The following TXLNG variants were observed in gnomAD, a reference collection of about 807,000 sequenced individuals.
TXLNG encodes the protein gamma-taxilin.
In TXLNG, 5 loss-of-function variants were observed where a neutral mutation model predicts 38.8. The ratio of observed to expected loss-of-function variants is 0.13; its 90% CI spans 0.07 to 0.27. The LOEUF (loss-of-function observed/expected upper bound fraction) is 0.27, where lower values mean the gene tolerates loss of function less well. Ranked by LOEUF, TXLNG falls within the 10% of genes least tolerant of loss-of-function variation. The pLI is 1.00. For synonymous variants in TXLNG, 182 were observed against 158.2 expected, an observed-to-expected ratio of 1.15 and a Z score of -1.13; for missense variants, 393 against 398.2, an observed-to-expected ratio of 0.99 and a Z score of 0.11.
intron 1 of TXLNG, among the ~76,000 whole-genome samples, chrX:16,804,727 T>A (rs181740815): frequency 1.4e-3 from 151 of 110,315 alleles, no homozygotes; most frequent in African/African-American, 4.6e-3. Context: ...TTGGCTAGTC[T>A]GAAAGTTTTT....
chrX:16,810,989 A>G (rs1340113825), intron 1 of TXLNG, among the ~76,000 whole-genome samples: 1 of 111,682 alleles, frequency 9.0e-6, no homozygotes, highest in Non-Finnish European at 1.9e-5. Flanking sequence ...CAATAGTGGT[A>G]TTTTCTATAA....
intron 1 of TXLNG, among the ~76,000 whole-genome samples, chrX:16,812,463 G>A (rs1359811616): frequency 1.9e-5 from 2 of 103,014 alleles, no homozygotes; most frequent in Non-Finnish European, 4.0e-5. Context: ...GCGCGATCTC[G>A]GCTCACTGCA....
At chrX:16,829,511 G>C (rs1929298451) in intron 4 of TXLNG, 65 bp from the exon 5 acceptor site, 1 of 1,063,512 alleles carries the variant, frequency 9.4e-7, no homozygotes, top group Non-Finnish European at 1.3e-6. Context: ...CATTGCAGCA[G>C]CTTCTCTTGT....
Position 16,806,670 on chromosome X carries a change from C to G in TXLNG, c.103-11904C>G, listed in dbSNP as rs763745552. On this transcript the variant is annotated intron_variant, in intron 1 of 9. Transcript: ENST00000380122. ...CGGTGGCTCATGCCTGTAATCCCAG[C>G]ACTTTGGGAGGCCGAGGCCAGTGGA... Among the ~76,000 whole-genome samples, 4 of 110,969 alleles carry G rather than the reference C, an allele frequency of 3.6e-5. No individual in the cohort carries two copies. The South Asian group carries it at 1.5e-3, about 41-fold the overall frequency.
At chrX:16,827,886 C>T (rs770126411) in intron 3 of TXLNG, among the ~76,000 whole-genome samples, 1 of 111,593 alleles carries the variant, frequency 9.0e-6, no homozygotes, top group Admixed American at 9.5e-5. Flanking sequence ...TTTTCTGCTG[C>T]CCTAAATTTG....
At position 16,841,604 on chromosome X, in the gene TXLNG, T is replaced by C. The variant is rs763210148; in HGVS notation, c.1425T>C (p.Pro475=). The change falls in exon 10 of 10, where the codon CCT becomes CCC. Residue 475 remains proline, a synonymous_variant. Transcript: ENST00000380122. ...IKAANRDLAT[P]VMQPCTALDS... The stretch of plus-strand genomic sequence containing the variant: ...CGGCGAACAGGGATTTAGCAACACC[T>C]GTGATGCAGCCCTGTACTGCCCTGG... 2.5e-6 allele frequency: 3 copies of C among 1,209,585 alleles called. No individual in the cohort carries two copies. The African/African-American group carries it at 5.3e-5, about 21-fold the overall frequency.
rs1201434870 is a variant in TXLNG, at chrX:16,842,132, ATTAAT to A, written c.*371_*375del. On this transcript the variant is annotated 3_prime_UTR_variant, in exon 10 of 10. Transcript: ENST00000380122. Reference sequence around the variant, plus strand: ...GATGGTTCCTTGATGTGAAAACAATATTAATTTAAACGTCTTAGCCCCCCCCCCCA... The same window carrying A: ...GATGGTTCCTTGATGTGAAAACAATATTAAACGTCTTAGCCCCCCCCCCCA... 8.7e-4 allele frequency: 106 copies of A among 122,413 alleles called. No individual in the cohort carries two copies. The highest frequency in any genetic ancestry group is 3.7e-3 in the African/African-American group (99 of 27,103). 10.1% of individuals were successfully genotyped at this position (122,413 alleles called of 1,213,427 possible).
chrX:16,815,742 G>A (rs1928715295), intron 1 of TXLNG, among the ~76,000 whole-genome samples: 1 of 107,593 alleles, frequency 9.3e-6, no homozygotes, highest in Non-Finnish European at 1.9e-5. Context: ...GGCTCGTCTT[G>A]AACTCCTAAC....
intron 1 of TXLNG, among the ~76,000 whole-genome samples, chrX:16,796,002 C>T (rs949699699): frequency 9.2e-6 from 1 of 108,745 alleles, no homozygotes; most frequent in Non-Finnish European, 1.9e-5. Context: ...TTAGTAGAAA[C>T]GGGGTTTCAT....
rs776124723 is a variant in TXLNG at position 16,837,706 on chromosome X, G to T, written c.1152+21G>T. 17 of 1,091,511 alleles carry T rather than the reference G, an allele frequency of 1.6e-5. No individual in the cohort carries two copies. The South Asian group carries it at 2.7e-4, about 17-fold the overall frequency. The allele number at this position is 1,091,511 out of a possible 1,213,427, so 90.0% of individuals were successfully genotyped here. On this transcript the variant is annotated intron_variant, in intron 8 of 9. Transcript: ENST00000380122. The stretch of plus-strand genomic sequence containing the variant: ...AAAAGGTATTTACATATTTTTAGTA[G>T]AATAGTATATCAAATGGAATTTGTA...
intron 1 of TXLNG, among the ~76,000 whole-genome samples, chrX:16,802,375 C>G (rs750572878): frequency 9.3e-6 from 1 of 107,878 alleles, no homozygotes. Flanking sequence ...CTGAGCCTCC[C>G]GAGTAGCTGG....
At chrX:16,827,488 G>A (rs1423466228) in intron 3 of TXLNG, among the ~76,000 whole-genome samples, 2 of 111,633 alleles carry the variant, frequency 1.8e-5, no homozygotes, top group East Asian at 5.6e-4. Flanking sequence ...GGAAAATTCA[G>A]GGGCAGGAGG....
rs371097761 is a variant in TXLNG, at chrX:16,834,116, G to A, written c.985-167G>A. 3.6e-5 allele frequency among the ~76,000 whole-genome samples: 4 copies of A among 112,326 alleles called. No homozygotes were observed. In the South Asian group the frequency reaches 1.5e-3, roughly 41 times the overall value. ...TGCATTCCTAAGTGTTAACCAGTGG[G>A]ACAGATAGAAGATACAGGTAAATGG... On this transcript the variant is annotated intron_variant, in intron 6 of 9. Transcript: ENST00000380122.
At chrX:16,810,381 T>C (rs1928470830) in intron 1 of TXLNG, among the ~76,000 whole-genome samples, 3 of 111,823 alleles carry the variant, frequency 2.7e-5, no homozygotes, top group African/African-American at 9.7e-5. Flanking sequence ...AATAAAGTTA[T>C]TGGCCTAAGA....
chrX:16,832,498 T>TAGA, intron 5 of TXLNG, 125 bp from the exon 6 acceptor site: 1 of 918,007 alleles, frequency 1.1e-6, no homozygotes, highest in Non-Finnish European at 1.5e-6. Flanking sequence ...AGAGCTGGTG[T>TAGA]TCTTAGCTGC....
intron 5 of TXLNG, 148 bp from the exon 6 acceptor site, chrX:16,832,475 C>T: frequency 5.2e-6 from 4 of 772,462 alleles, no homozygotes; most frequent in Non-Finnish European, 7.5e-6. Context: ...GCGGAGTATA[C>T]AGGGACAGAG....
At chrX:16,812,691 CTTTTTTTTTTTTTTT>C (rs55974932) in intron 1 of TXLNG, among the ~76,000 whole-genome samples, 3 of 39,461 alleles carry the variant, frequency 7.6e-5, no homozygotes, top group African/African-American at 1.4e-4. Context: ...TGCGGCCAGC[CTTTTTTTTTTTTTTT>C]TTTTTTTTTT....
intron 1 of TXLNG, among the ~76,000 whole-genome samples, chrX:16,803,623 G>A (rs867849304): frequency 2.2e-4 from 23 of 102,623 alleles, no homozygotes; most frequent in African/African-American, 8.1e-4. Flanking sequence ...GATTACAGGC[G>A]TGAACCACTG....
Position 16,841,763 on chromosome X carries a change from C to T in TXLNG, c.1584C>T (p.Asp528=), listed in dbSNP as rs1171252992. The T allele has an allele frequency of 8.3e-7, 1 of 1,207,390 alleles. No homozygotes were observed. The change falls in exon 10 of 10, where the codon GAC becomes GAT. Residue 528 remains aspartate (D), a synonymous_variant. Coordinates refer to ENST00000380122, the MANE Select transcript of TXLNG (RefSeq NM_018360.3). The part of the protein sequence containing the change: ...TGSAPAIESV[D] ...CTGCTCCGGCCATCGAGTCGGTTGA[C>T]TAAGATGAGGTGTGATCACTGTATT...
Sources: allele counts gnomAD v4.1 joint callset (sites outside exome capture counted in the v4.1 genomes callset), GRCh38; gene constraint gnomAD v4.1.1; transcripts MANE v1.5; gene names NCBI Gene and HGNC (gene_info 2026-07-23, HGNC 2026-07-21).